PIH1D1: variants seen among roughly 807,000 people sequenced by gnomAD.
PIH1D1 encodes the protein PIH1 domain containing 1, also known as PIH1 domain-containing protein 1.
A neutral mutation model predicts 38.5 loss-of-function variants in PIH1D1; 28 were observed. The observed-to-expected ratio is 0.73, with a 90% CI of 0.54 to 1.00. The LOEUF (loss-of-function observed/expected upper bound fraction) is 1.00, where lower values mean the gene tolerates loss of function less well. Ranked by LOEUF, PIH1D1 falls within the 50% of genes least tolerant of loss-of-function variation. PIH1D1 has a pLI of 0.00. For missense variants in PIH1D1, 343 were observed against 369.9 expected (o/e 0.93, Z 0.60); for synonymous variants, 155 against 153.5 (o/e 1.01, Z -0.07).
Position 49,451,507 on chromosome 19 carries a change from C to G in PIH1D1, c.68G>C (p.Arg23Pro). 6.2e-7 allele frequency: 1 copy of G among 1,613,862 alleles called. No individual in the cohort carries two copies. Among genetic ancestry groups the G allele is most frequent in the Non-Finnish European group, 8.5e-7 (1 of 1,179,978 alleles). ...EAEAIGADSA[R>P]FEELLLQASK... ...CACCTGCAGCAGCAGCTCCTCAAATCGCGCCGAATCAGCACCGATCGCCTC... is the reference window on the plus strand; with the variant it reads ...CACCTGCAGCAGCAGCTCCTCAAATGGCGCCGAATCAGCACCGATCGCCTC... Residue 23 changes from arginine (R) to proline (P), a missense_variant, in exon 1 of 9, where the codon CGA becomes CCA. Physicochemically the swap from Arg to Pro is moderately radical, Grantham distance 103. Coordinates refer to ENST00000262265, the MANE Select transcript of PIH1D1 (RefSeq NM_017916.3).
In PIH1D1 at chr19:49,447,341, G is replaced by T; in HGVS notation, c.608C>A (p.Ser203Ter). The change falls in exon 6 of 9, where the codon TCA (serine) becomes TAA (stop). Residue 203 changes from serine to a stop codon, truncating the protein, a stop_gained. Coordinates refer to ENST00000262265, the MANE Select transcript of PIH1D1 (RefSeq NM_017916.3). LOFTEE classifies it high-confidence loss of function. ...LYTPAPGRAE[S>*]GPEKPHLNLW... ...CGGGGATCTACCGAAGGCCCACCCT[G>T]ACTCAGCTCTCCCGGGGGCGGGCGT... is the stretch of plus-strand genomic sequence containing the variant. 6.2e-7 allele frequency: 1 copy of T among 1,613,900 alleles called. No homozygotes were observed. The highest frequency in any genetic ancestry group is 1.1e-5 in the South Asian group (1 of 91,052).
rs776221989 is a variant in PIH1D1, at chr19:49,446,565, G to A, written c.817C>T (p.His273Tyr). ...INSHESKAAF[H>Y]RKRKQLMVAM... is the part of the protein sequence containing the mutation. ...CCCCCAGGCACCTTTCTCTTCCGGTGGAAGGCTGCCTTGCTCTCATGAGAG... is the reference window on the plus strand; with the variant it reads ...CCCCCAGGCACCTTTCTCTTCCGGTAGAAGGCTGCCTTGCTCTCATGAGAG... Residue 273 changes from histidine (H) to tyrosine (Y), a missense_variant, in exon 8 of 9, where the codon CAC becomes TAC. His to Tyr is a moderately conservative substitution (Grantham distance 83). Coordinates refer to ENST00000262265, the MANE Select transcript of PIH1D1 (RefSeq NM_017916.3). 6.2e-7 allele frequency: 1 copy of A among 1,613,968 alleles called. No homozygotes were observed. The highest frequency in any genetic ancestry group is 8.5e-7 in the Non-Finnish European group (1 of 1,179,950).
Position 49,451,735 on chromosome 19 carries a change from A to T in PIH1D1, c.-161T>A. ...GCCTAAGACTACATTTCCATTCAAG[A>T]CCGAACACCATCGTCAAATCCGTGG... is the stretch of plus-strand genomic sequence containing the variant. On this transcript the variant is annotated 5_prime_UTR_variant, in exon 1 of 9. Transcript: ENST00000262265. The T allele has an allele frequency of 7.0e-7, 1 of 1,424,558 alleles. No individual in the cohort carries two copies. The highest frequency in any genetic ancestry group is 9.2e-7 in the Non-Finnish European group (1 of 1,089,480). 88.2% of individuals were successfully genotyped at this position (1,424,558 alleles called of 1,614,324 possible). A position where few individuals can be genotyped will look rare whatever the true frequency, so the allele number is the denominator to read the frequency against.
intron 6 of PIH1D1, 39 bp from the exon 7 acceptor site, chr19:49,447,138 A>G: frequency 1.3e-6 from 2 of 1,565,998 alleles, no homozygotes; most frequent in Non-Finnish European, 1.7e-6. Flanking sequence ...CACAGCTGCC[A>G]GGTCTTTGCC....
At position 49,446,638 on chromosome 19, in the gene PIH1D1, G is replaced by C. The variant is rs780876091; in HGVS notation, c.744C>G (p.Gly248=). 3.7e-6 allele frequency: 6 copies of C among 1,605,862 alleles called. No individual in the cohort carries two copies. The African/African-American group carries it at 5.4e-5, about 14-fold the overall frequency. Residue 248 remains glycine, a synonymous_variant, in exon 8 of 9, where the codon GGC becomes GGG. Coordinates refer to ENST00000262265, the MANE Select transcript of PIH1D1 (RefSeq NM_017916.3). ...CGTCTAGATGATACAGCTGCTGGGG[G>C]CCCCCCATCACCAGGCGGTTCTCCC... ...EIGENRLVMG[G]PQQLYHLDAY...
intron 5 of PIH1D1, 101 bp from the exon 6 acceptor site, chr19:49,447,568 T>A (rs1429253086): frequency 2.8e-6 from 4 of 1,444,232 alleles, no homozygotes; most frequent in Non-Finnish European, 3.8e-6. Context: ...CCAGGACTCT[T>A]GGGGTCTGAC....
rs745816366 is a variant in PIH1D1, at chr19:49,447,044, C to T, written c.667G>A (p.Glu223Lys). ...CTCACCAGTTTGGGGAGGTCAACTTCGGCCAAGAGGAGGTCGGGGGCTTCC... is the reference window on the plus strand; with the variant it reads ...CTCACCAGTTTGGGGAGGTCAACTTTGGCCAAGAGGAGGTCGGGGGCTTCC... ...WLEAPDLLLA[E>K]VDLPKLDGAL... is the part of the protein sequence containing the mutation. Residue 223 changes from glutamate to lysine, a missense_variant, in exon 7 of 9, where the codon GAA (glutamate) becomes AAA (lysine). Coordinates refer to ENST00000262265, the MANE Select transcript of PIH1D1 (RefSeq NM_017916.3). 4 of 1,613,082 alleles carry T rather than the reference C, an allele frequency of 2.5e-6. No homozygotes were observed. The highest frequency in any genetic ancestry group is 1.7e-5 in the Admixed American group (1 of 59,674).
In PIH1D1 at chr19:49,449,500, TC is replaced by T; in HGVS notation, c.311del (p.Gly104GlufsTer19). The T allele has an allele frequency of 6.2e-7, 1 of 1,614,138 alleles. No individual in the cohort carries two copies. The highest frequency in any genetic ancestry group is 1.1e-5 in the South Asian group (1 of 91,072). ...TTGCATCCAGTTCTGCATGAGGCTCTCCCAGACTCATGGGGATGCGAAACCC... is the reference window on the plus strand; with the variant it reads ...TTGCATCCAGTTCTGCATGAGGCTCTCCAGACTCATGGGGATGCGAAACCC... ...QAGFRIPMSLGEPHAELDAKG... is the reference protein window; with the variant it reads ...QAGFRIPMSLXEPHAELDAKG... On this transcript the variant is annotated frameshift_variant, in exon 3 of 9. Coordinates refer to ENST00000262265, the MANE Select transcript of PIH1D1 (RefSeq NM_017916.3). LOFTEE classifies it high-confidence loss of function.
chr19:49,448,053 C>T lies in PIH1D1; in HGVS notation c.347G>A (p.Gly116Glu), dbSNP rs1332297667. Residue 116 changes from glycine to glutamate, a missense_variant, in exon 4 of 9, where the codon GGA becomes GAA. Physicochemically the swap from Gly to Glu is moderately conservative, Grantham distance 98. Coordinates refer to ENST00000262265, the MANE Select transcript of PIH1D1 (RefSeq NM_017916.3). ...PHAELDAKGQ[G>E]CTAYDVAVNS... ...GACAGCTACGTCGTAGGCGGTACAT[C>T]CCTGGCCTTCTGCGGGGAGAAAAAG... is the stretch of plus-strand genomic sequence containing the variant. 1 of 1,614,072 alleles carries T rather than the reference C, an allele frequency of 6.2e-7. No homozygotes were observed. The highest frequency in any genetic ancestry group is 1.3e-5 in the African/African-American group (1 of 74,922).
chr19:49,447,942 G>A (rs2079034848), intron 4 of PIH1D1, 34 bp from the exon 5 acceptor site: 1 of 1,613,758 alleles, frequency 6.2e-7, no homozygotes, highest in South Asian at 1.1e-5. Flanking sequence ...ACAGGCGGTG[G>A]CGGGGAGGGT....
intron 5 of PIH1D1, 149 bp from the exon 6 acceptor site, chr19:49,447,616 C>T: frequency 1.0e-6 from 1 of 995,466 alleles, no homozygotes; most frequent in Non-Finnish European, 1.5e-6. Context: ...GCCCGCCCAC[C>T]TTAGTCACGC....
chr19:49,450,677 A>ACACC, intron 2 of PIH1D1, 105 bp downstream of exon 2: 1 of 353,418 alleles, frequency 2.8e-6, no homozygotes. Flanking sequence ...GTGTCTGCTC[A>ACACC]CCCCACCCCC....
At chr19:49,450,954 AG>A (rs749181309) in intron 1 of PIH1D1, 106 bp from the exon 2 acceptor site, 1 of 1,587,752 alleles carries the variant, frequency 6.3e-7, no homozygotes, top group South Asian at 1.1e-5. Context: ...GGATAACGCG[AG>A]AAATTAGACG....
intron 5 of PIH1D1, 134 bp downstream of exon 5, chr19:49,447,693 G>T (rs2079032984): frequency 9.7e-7 from 1 of 1,028,480 alleles, no homozygotes; most frequent in Non-Finnish European, 1.5e-6. Context: ...CCCTCAGGGC[G>T]TCCAGACTCC....
intron 3 of PIH1D1, chr19:49,449,021 G>A (rs1195371948): frequency 1.5e-5 from 5 of 322,974 alleles, no homozygotes; most frequent in South Asian, 2.6e-5. Flanking sequence ...GCGAAACCCC[G>A]TCTCTATTAA....
chr19:49,446,878 A>G (rs1396542410), intron 7 of PIH1D1, 146 bp downstream of exon 7: 1 of 1,068,578 alleles, frequency 9.4e-7, no homozygotes, highest in Non-Finnish European at 1.4e-6. Context: ...CCCTCAGGAC[A>G]GCACCAGAAG....
intron 3 of PIH1D1, 196 bp from the exon 4 acceptor site, chr19:49,448,258 C>A (rs529169736): frequency 4.9e-6 from 3 of 608,894 alleles, no homozygotes; most frequent in African/African-American, 1.8e-5. Flanking sequence ...ATCTCCTGTC[C>A]ATCAGTGTGA....
At chr19:49,450,096 CTTGT>C (rs1221513481) in intron 2 of PIH1D1, among the ~76,000 whole-genome samples, 2 of 151,238 alleles carry the variant, frequency 1.3e-5, no homozygotes, top group Non-Finnish European at 2.9e-5. Flanking sequence ...TTGTTTTCTC[CTTGT>C]TTGTTTTTTG....
At chr19:49,446,810 G>A in intron 7 of PIH1D1, 116 bp from the exon 8 acceptor site, 10 of 1,235,618 alleles carry the variant, frequency 8.1e-6, no homozygotes, top group Non-Finnish European at 1.1e-5. Context: ...CTCCCAGGAA[G>A]AGACAGAAGA....
Sources: allele counts gnomAD v4.1 joint callset (sites outside exome capture counted in the v4.1 genomes callset), GRCh38; gene constraint gnomAD v4.1.1; transcripts MANE v1.5; gene names NCBI Gene and HGNC (gene_info 2026-07-23, HGNC 2026-07-21).